The following RBMS3 variants were observed in gnomAD, a reference collection of about 807,000 sequenced individuals.
RBMS3 encodes RNA-binding motif, single-stranded-interacting protein 3.
A neutral mutation model predicts 66.8 loss-of-function variants in RBMS3; 27 were observed. The ratio of observed to expected loss-of-function variants is 0.40; its 90% confidence interval spans 0.30 to 0.56. The LOEUF (loss-of-function observed/expected upper bound fraction) is 0.56. Ranked by LOEUF, RBMS3 falls within the 20% of genes least tolerant of loss-of-function variation. The pLI is 0.40. For missense variants in RBMS3, 513 were observed against 549.5 expected, an observed-to-expected ratio of 0.93 and a Z score of 0.66; for synonymous variants, 188 against 183.0, an observed-to-expected ratio of 1.03 and a Z score of -0.22.
chr3:29,805,704 T>G (rs368808440), intron 6 of RBMS3, among the ~76,000 whole-genome samples: 2 of 152,082 alleles, frequency 1.3e-5, no homozygotes, highest in East Asian at 3.8e-4. Flanking sequence ...AGAAAATTTT[T>G]TTGTACAGCT....
At chr3:29,362,201 G>C (rs922382367) in intron 1 of RBMS3, among the ~76,000 whole-genome samples, 1 of 152,206 alleles carries the variant, frequency 6.6e-6, no homozygotes, top group African/African-American at 2.4e-5. Flanking sequence ...GGTCTTTGAT[G>C]ATGGTGACGT....
chr3:29,515,834 T>C (rs2148963830), intron 3 of RBMS3, among the ~76,000 whole-genome samples: 1 of 152,344 alleles, frequency 6.6e-6, no homozygotes, highest in Middle Eastern at 3.4e-3. Flanking sequence ...GCTGAGTGTG[T>C]CCTTGTTCAA....
At chr3:29,457,118 GACTC>G (rs2042217630) in intron 2 of RBMS3, among the ~76,000 whole-genome samples, 1 of 152,146 alleles carries the variant, frequency 6.6e-6, no homozygotes, top group Non-Finnish European at 1.5e-5. Flanking sequence ...AGTCAGGTTT[GACTC>G]ACTCAAATCA....
chr3:29,425,411 A>T (rs927211569), intron 1 of RBMS3, among the ~76,000 whole-genome samples: 1 of 151,460 alleles, frequency 6.6e-6, no homozygotes, highest in Non-Finnish European at 1.5e-5. Context: ...TGGCAATATT[A>T]CTAATTGTAA....
chr3:29,600,559 C>G (rs1376564483), intron 4 of RBMS3, among the ~76,000 whole-genome samples: 3 of 152,002 alleles, frequency 2.0e-5, no homozygotes, highest in African/African-American at 7.2e-5. Flanking sequence ...ATAAGTTATG[C>G]AGCCTCACGT....
At chr3:29,322,166 T>C (rs548457564) in intron 1 of RBMS3, among the ~76,000 whole-genome samples, 7 of 152,274 alleles carry the variant, frequency 4.6e-5, no homozygotes, top group Admixed American at 3.9e-4. Flanking sequence ...TTGTTTTCTT[T>C]CTTCATTTTC....
chr3:29,584,463 C>A (rs2047438789), intron 3 of RBMS3, among the ~76,000 whole-genome samples: 1 of 152,046 alleles, frequency 6.6e-6, no homozygotes, highest in Non-Finnish European at 1.5e-5. Context: ...ATTTCATCTC[C>A]ATTTCTGAGC....
At chr3:29,580,683 A>G (rs1468047492) in intron 3 of RBMS3, among the ~76,000 whole-genome samples, 1 of 75,140 alleles carries the variant, frequency 1.3e-5, no homozygotes, top group African/African-American at 8.6e-5. Context: ...ATTTAATAAT[A>G]TAATAATAAT....
chr3:29,936,237 AT>A, intron 11 of RBMS3, 41 bp downstream of exon 11: 1 of 1,550,890 alleles, frequency 6.4e-7, no homozygotes, highest in Non-Finnish European at 8.8e-7. Flanking sequence ...AACTTTTTTG[AT>A]CAGATGTGAT....
chr3:29,849,286 C>T (rs188097125), intron 6 of RBMS3, among the ~76,000 whole-genome samples: 3 of 151,386 alleles, frequency 2.0e-5, no homozygotes, highest in Admixed American at 6.6e-5. Context: ...GAGGCCCAGG[C>T]GGGTGGATCA....
chr3:29,605,102 A>G (rs1411829266), intron 4 of RBMS3, among the ~76,000 whole-genome samples: 2 of 151,846 alleles, frequency 1.3e-5, no homozygotes, highest in African/African-American at 4.8e-5. Flanking sequence ...TTCAAGCATA[A>G]TATTTATATT....
At chr3:29,954,620 C>A (rs1229159220) in intron 12 of RBMS3, among the ~76,000 whole-genome samples, 1 of 151,916 alleles carries the variant, frequency 6.6e-6, no homozygotes, top group African/African-American at 2.4e-5. Flanking sequence ...TTTCTTTCAG[C>A]CAATGGTGCT....
chr3:29,817,264 T>C (rs1006305842), intron 6 of RBMS3, among the ~76,000 whole-genome samples: 13 of 148,620 alleles, frequency 8.7e-5, no homozygotes, highest in Non-Finnish European at 1.8e-4. Flanking sequence ...CTTGGCTCAC[T>C]GCAAACTCCT....
intron 3 of RBMS3, chr3:29,526,435 G>T (rs1414538884): frequency 6.8e-6 from 1 of 146,742 alleles, no homozygotes; most frequent in African/African-American, 2.5e-5. Context: ...GCAGGAGAAT[G>T]GCGTGAACCC....
At chr3:29,959,243 A>T (rs1222291060) in intron 12 of RBMS3, among the ~76,000 whole-genome samples, 1 of 152,218 alleles carries the variant, frequency 6.6e-6, no homozygotes, top group Non-Finnish European at 1.5e-5. Context: ...TGGCATAGTC[A>T]TAATAGATAC....
Position 29,740,783 on chromosome 3 carries a change from T to G in RBMS3, c.557+906T>G, listed in dbSNP as rs182544954. Among the ~76,000 whole-genome samples, 572 of 152,300 alleles carry G rather than the reference T, an allele frequency of 3.8e-3. 2 individuals carry two copies. The highest frequency in any genetic ancestry group is 6.2e-3 in the Non-Finnish European group (424 of 68,022). On this transcript the variant is annotated intron_variant, in intron 5 of 14. Transcript: ENST00000383767. ...AGGGCCAGGCAGGGTGGCTGACGCC[T>G]GTAATCTCAGCACTTTGGGAGGCTG...
intron 10 of RBMS3, among the ~76,000 whole-genome samples, chr3:29,923,501 G>A (rs2060848096): frequency 6.6e-6 from 1 of 152,092 alleles, no homozygotes; most frequent in Non-Finnish European, 1.5e-5. Flanking sequence ...TAAAGCAAAA[G>A]TATGTGTTAA....
chr3:29,732,589 T>C (rs2054182980), intron 4 of RBMS3, among the ~76,000 whole-genome samples: 2 of 151,690 alleles, frequency 1.3e-5, no homozygotes, highest in Non-Finnish European at 2.9e-5. Context: ...CATCTAGAGG[T>C]GCAGTAACTA....
At chr3:29,913,644 G>A (rs1008651644) in intron 10 of RBMS3, among the ~76,000 whole-genome samples, 8 of 151,786 alleles carry the variant, frequency 5.3e-5, no homozygotes, top group African/African-American at 1.7e-4. Flanking sequence ...TATCAACTTG[G>A]GTTCTGAATA....
Sources: gnomAD v4.1 joint callset for allele counts (sites outside exome capture counted in the v4.1 genomes callset) on GRCh38, gnomAD v4.1.1 for gene constraint, MANE v1.5 for transcripts, NCBI Gene and HGNC (gene_info 2026-07-23, HGNC 2026-07-21) for gene names.